The following NLGN1 variants were observed in gnomAD, a reference collection of about 807,000 sequenced individuals.
NLGN1 encodes the protein neuroligin 1.
Under a neutral mutation model 65.5 loss-of-function variants are expected in NLGN1, and 12 were observed. The observed-to-expected ratio is 0.18, with a 90% confidence interval of 0.12 to 0.30. The LOEUF (loss-of-function observed/expected upper bound fraction) is 0.30. Ranked by LOEUF, NLGN1 falls within the 10% of genes least tolerant of loss-of-function variation. NLGN1 has a pLI of 1.00. For missense variants in NLGN1, 750 were observed against 1,007.1 expected, an observed-to-expected ratio of 0.74 and a Z score of 3.46; for synonymous variants, 350 against 359.5, an observed-to-expected ratio of 0.97 and a Z score of 0.30.
intron 4 of NLGN1, among the ~76,000 whole-genome samples, chr3:173,963,083 C>T (rs1560733254): frequency 6.6e-6 from 1 of 152,190 alleles, no homozygotes; most frequent in East Asian, 1.9e-4. Flanking sequence ...ATTTATTACA[C>T]TCTTGCTGTG....
At chr3:173,675,163 A>C (rs990423094) in intron 3 of NLGN1, among the ~76,000 whole-genome samples, 1 of 152,146 alleles carries the variant, frequency 6.6e-6, no homozygotes, top group African/African-American at 2.4e-5. Context: ...AAGCAGCAGA[A>C]AGGAAAAAAA....
At chr3:173,782,124 G>A (rs1436680249) in intron 3 of NLGN1, among the ~76,000 whole-genome samples, 1 of 151,872 alleles carries the variant, frequency 6.6e-6, no homozygotes, top group Non-Finnish European at 1.5e-5. Flanking sequence ...CTTTGTCTAG[G>A]GTATATTGGG....
chr3:174,007,841 A>G (rs770299535), intron 4 of NLGN1, among the ~76,000 whole-genome samples: 11 of 152,126 alleles, frequency 7.2e-5, no homozygotes, highest in Non-Finnish European at 1.5e-4. Context: ...ACACACATTG[A>G]CTTGTGAGCT....
intron 4 of NLGN1, among the ~76,000 whole-genome samples, chr3:174,201,342 GGAATGAAGGAAGGAA>G: frequency 3.7e-5 from 1 of 26,800 alleles, no homozygotes; most frequent in Non-Finnish European, 8.8e-5. Flanking sequence ...GAAGGTGGGA[GGAATGAAGGAAGGAA>G]GGAAGGAAGG....
At chr3:173,621,275 G>T (rs1351716101) in intron 3 of NLGN1, among the ~76,000 whole-genome samples, 1 of 152,110 alleles carries the variant, frequency 6.6e-6, no homozygotes, top group Non-Finnish European at 1.5e-5. Context: ...TATCTTAGAA[G>T]AATAATATTT....
At chr3:174,171,328 A>C (rs1439111342) in intron 4 of NLGN1, among the ~76,000 whole-genome samples, 1 of 152,158 alleles carries the variant, frequency 6.6e-6, no homozygotes, top group Non-Finnish European at 1.5e-5. Flanking sequence ...TTCTTTATTA[A>C]AAGAAATTAA....
At chr3:174,179,809 T>C (rs746752780) in intron 4 of NLGN1, among the ~76,000 whole-genome samples, 5 of 152,082 alleles carry the variant, frequency 3.3e-5, no homozygotes, top group Non-Finnish European at 7.4e-5. Context: ...AGAATAGAAC[T>C]TTAATTTAAA....
chr3:173,707,864 C>CATTGTTGAAT (rs1205584624), intron 3 of NLGN1, among the ~76,000 whole-genome samples: 2 of 152,100 alleles, frequency 1.3e-5, no homozygotes, highest in Non-Finnish European at 2.9e-5. Context: ...ATTACCTCAC[C>CATTGTTGAAT]ATTGTTGAAT....
At chr3:173,400,495 AT>A (rs937026793) in intron 1 of NLGN1, among the ~76,000 whole-genome samples, 6 of 152,018 alleles carry the variant, frequency 3.9e-5, no homozygotes, top group African/African-American at 1.4e-4. Context: ...CCATTTTAGG[AT>A]TTTGTGGTTT....
At chr3:174,214,974 G>A (rs867448845) in intron 4 of NLGN1, among the ~76,000 whole-genome samples, 1 of 152,038 alleles carries the variant, frequency 6.6e-6, no homozygotes, top group Non-Finnish European at 1.5e-5. Flanking sequence ...TGTAAAAGAA[G>A]GGGAAAATGG....
At chr3:174,169,810 G>A (rs546815230) in intron 4 of NLGN1, among the ~76,000 whole-genome samples, 6 of 152,242 alleles carry the variant, frequency 3.9e-5, no homozygotes, top group South Asian at 2.1e-4. Flanking sequence ...TTACAATGGG[G>A]GAGAGCACAA....
chr3:173,484,705 G>A (rs951460222), intron 2 of NLGN1, among the ~76,000 whole-genome samples: 3 of 151,516 alleles, frequency 2.0e-5, no homozygotes, highest in Non-Finnish European at 3.0e-5. Context: ...AAAATTTAAA[G>A]CGTATTGCTG....
intron 4 of NLGN1, among the ~76,000 whole-genome samples, chr3:174,171,937 G>A (rs1728611858): frequency 6.6e-6 from 1 of 151,832 alleles, no homozygotes; most frequent in Non-Finnish European, 1.5e-5. Flanking sequence ...TATTATTTTG[G>A]TTATTATAAT....
At chr3:173,409,557 T>TA (rs1164096306) in intron 1 of NLGN1, among the ~76,000 whole-genome samples, 9 of 152,184 alleles carry the variant, frequency 5.9e-5, no homozygotes, top group Non-Finnish European at 1.3e-4. Context: ...TTCCCCCATT[T>TA]CCAACTCCTG....
At chr3:173,631,220 A>C (rs893127611) in intron 3 of NLGN1, among the ~76,000 whole-genome samples, 1 of 152,216 alleles carries the variant, frequency 6.6e-6, no homozygotes, top group Non-Finnish European at 1.5e-5. Flanking sequence ...TCTGCTAAGC[A>C]GGCAGAGGGA....
chr3:174,235,442 G>A (rs1271437582), intron 4 of NLGN1, among the ~76,000 whole-genome samples: 1 of 152,108 alleles, frequency 6.6e-6, no homozygotes, highest in Non-Finnish European at 1.5e-5. Flanking sequence ...TCACACTCCA[G>A]TTCTACTCTA....
At chr3:173,770,701 A>G (rs1210024400) in intron 3 of NLGN1, among the ~76,000 whole-genome samples, 1 of 152,172 alleles carries the variant, frequency 6.6e-6, no homozygotes, top group Non-Finnish European at 1.5e-5. Context: ...TTTCAGATCA[A>G]TGTATCGACC....
chr3:174,017,078 C>G (rs1430098580), intron 4 of NLGN1, among the ~76,000 whole-genome samples: 1 of 152,150 alleles, frequency 6.6e-6, no homozygotes, highest in Non-Finnish European at 1.5e-5. Context: ...GTCTAATCAA[C>G]AGGTACTGAA....
At chr3:173,613,376 A>T (rs1379400385) in intron 3 of NLGN1, among the ~76,000 whole-genome samples, 3 of 152,136 alleles carry the variant, frequency 2.0e-5, no homozygotes. Context: ...CTTCCTACAG[A>T]TAATGAATTT....
Sources: gnomAD v4.1 joint callset for allele counts (sites outside exome capture counted in the v4.1 genomes callset) on GRCh38, gnomAD v4.1.1 for gene constraint, MANE v1.5 for transcripts, NCBI Gene and HGNC (gene_info 2026-07-23, HGNC 2026-07-21) for gene names.